Variants in ZNF578 observed in about 807,000 individuals in gnomAD.
The protein encoded by ZNF578 is zinc finger protein 578.
ZNF578 carries 8 observed loss-of-function variants against 8.3 expected under a neutral mutation model. That is an observed-to-expected ratio of 0.96 (90% CI 0.56 to 1.74). The LOEUF (loss-of-function observed/expected upper bound fraction) is 1.74, where lower values mean the gene tolerates loss of function less well. Among genes scored for constraint, ZNF578 ranks in the 40% most tolerant of loss-of-function variants. The probability of loss-of-function intolerance (pLI) is 0.00; values close to 1 mark genes in which losing one functional copy is unlikely to be tolerated. For missense variants in ZNF578, 726 were observed against 707.5 expected, an observed-to-expected ratio of 1.03 and a Z score of -0.30; for synonymous variants, 206 against 232.2, an observed-to-expected ratio of 0.89 and a Z score of 1.03.
chr19:52,456,017 T>C (rs1345292358), intron 1 of ZNF578: 2 of 152,256 alleles, frequency 1.3e-5, no homozygotes, highest in East Asian at 3.9e-4. Flanking sequence ...GGAGCTGAGG[T>C]TGCTCCTGTC....
chr19:52,516,312 C>T lies in ZNF578; in HGVS notation c.*4158C>T, dbSNP rs963009205. The stretch of plus-strand genomic sequence containing the variant: ...AACCAGCCTCTGCATGGGGTTTCCT[C>T]AACTTTAGGTCTGTGCCCTGAAGGG... On this transcript the variant is annotated 3_prime_UTR_variant, in exon 6 of 6. Transcript: ENST00000421239. Among the ~76,000 whole-genome samples, 6 of 152,200 alleles carry T rather than the reference C, an allele frequency of 3.9e-5. No homozygotes were observed. Among genetic ancestry groups the T allele is most frequent in the African/African-American group, 1.4e-4 (6 of 41,460 alleles).
intron 2 of ZNF578, among the ~76,000 whole-genome samples, chr19:52,487,031 T>C (rs982027072): frequency 1.5e-4 from 22 of 149,638 alleles, no homozygotes; most frequent in Admixed American, 5.3e-4. Context: ...GGGAGGGAAG[T>C]GCAGTAATGA....
At chr19:52,492,175 A>G (rs1167032401) in intron 3 of ZNF578, among the ~76,000 whole-genome samples, 256 of 146,852 alleles carry the variant, frequency 1.7e-3, no homozygotes, top group African/African-American at 5.9e-3. Flanking sequence ...AAAAAAAAAA[A>G]AAAAAAAAAA....
Position 52,515,595 on chromosome 19 carries a change from G to A in ZNF578, c.*3441G>A, listed in dbSNP as rs914285277. Among the ~76,000 whole-genome samples, 4 of 152,072 alleles carry A rather than the reference G, an allele frequency of 2.6e-5. No homozygotes were observed. Among genetic ancestry groups the A allele is most frequent in the African/African-American group, 9.7e-5 (4 of 41,408 alleles). On this transcript the variant is annotated 3_prime_UTR_variant, in exon 6 of 6. Coordinates refer to ENST00000421239, the MANE Select transcript of ZNF578 (RefSeq NM_001099694.2). ...TCTCAGACCTTCTCAGGGTAACTTG[G>A]TGAAAATGTCTTCCGATCTGAGCCC...
At chr19:52,495,940 G>A (rs1355825952) in intron 3 of ZNF578, among the ~76,000 whole-genome samples, 1 of 152,140 alleles carries the variant, frequency 6.6e-6, no homozygotes, top group Non-Finnish European at 1.5e-5. Flanking sequence ...GTGATGAAAG[G>A]AGTATTAAAG....
intron 2 of ZNF578, among the ~76,000 whole-genome samples, chr19:52,466,922 A>G (rs2059276997): frequency 6.6e-6 from 1 of 152,188 alleles, no homozygotes; most frequent in African/African-American, 2.4e-5. Context: ...ATGTGTGCAT[A>G]TATAATCAAT....
intron 2 of ZNF578, among the ~76,000 whole-genome samples, chr19:52,471,059 G>A (rs2059290298): frequency 6.6e-6 from 1 of 152,160 alleles, no homozygotes; most frequent in Non-Finnish European, 1.5e-5. Flanking sequence ...CTGGCCATGT[G>A]AAGTGCCTGC....
At chr19:52,456,311 C>CT (rs1679332890) in intron 1 of ZNF578, 1 of 152,232 alleles carries the variant, frequency 6.6e-6, no homozygotes. Flanking sequence ...CTTGCTCCCT[C>CT]TGAGTTTAGC....
chr19:52,466,673 A>C (rs1357799666), intron 2 of ZNF578, among the ~76,000 whole-genome samples: 1 of 152,240 alleles, frequency 6.6e-6, no homozygotes, highest in Admixed American at 6.5e-5. Flanking sequence ...ACTTGTGGAC[A>C]ACTGTTATAT....
At chr19:52,499,773 T>A (rs1436180197) in intron 3 of ZNF578, among the ~76,000 whole-genome samples, 1 of 150,160 alleles carries the variant, frequency 6.7e-6, no homozygotes, top group Non-Finnish European at 1.5e-5. Context: ...GCAACCTCTG[T>A]CTCCTGGGAT....
intron 4 of ZNF578, among the ~76,000 whole-genome samples, chr19:52,503,719 C>G (rs903847049): frequency 6.6e-6 from 1 of 151,670 alleles, no homozygotes; most frequent in African/African-American, 2.4e-5. Flanking sequence ...CCACTTGTAT[C>G]TTAGCTCATC....
intron 3 of ZNF578, among the ~76,000 whole-genome samples, chr19:52,494,077 G>A (rs1404700870): frequency 6.6e-6 from 1 of 151,906 alleles, no homozygotes; most frequent in Non-Finnish European, 1.5e-5. Flanking sequence ...ATAAATAGCA[G>A]GAGAGGAGAG....
At chr19:52,463,686 A>G (rs1351326460) in intron 2 of ZNF578, among the ~76,000 whole-genome samples, 1 of 152,244 alleles carries the variant, frequency 6.6e-6, no homozygotes, top group Non-Finnish European at 1.5e-5. Flanking sequence ...CTTACACAAC[A>G]TAAGCTGAAT....
chr19:52,455,325 G>C (rs1470450448), intron 1 of ZNF578: 2 of 150,946 alleles, frequency 1.3e-5, no homozygotes, highest in African/African-American at 4.9e-5. Context: ...TCAACCTCCC[G>C]AGTAGCTGGG....
intron 2 of ZNF578, among the ~76,000 whole-genome samples, chr19:52,484,256 T>A (rs1275752051): frequency 3.3e-5 from 5 of 152,174 alleles, no homozygotes; most frequent in Non-Finnish European, 7.3e-5. Flanking sequence ...TTCCCCTATC[T>A]CAGTAGATGG....
chr19:52,455,891 G>A (rs1320648084), intron 1 of ZNF578: 1 of 152,182 alleles, frequency 6.6e-6, no homozygotes, highest in Non-Finnish European at 1.5e-5. Flanking sequence ...GGAGAAAAAT[G>A]TTTAAAGGCC....
intron 2 of ZNF578, among the ~76,000 whole-genome samples, chr19:52,468,952 C>T (rs557981025): frequency 1.5e-4 from 23 of 152,238 alleles, no homozygotes; most frequent in African/African-American, 5.3e-4. Context: ...TCATTGGCTT[C>T]CTTGGTTTTG....
chr19:52,498,522 G>T (rs1334420565), intron 3 of ZNF578, among the ~76,000 whole-genome samples: 4 of 151,702 alleles, frequency 2.6e-5, no homozygotes, highest in Non-Finnish European at 5.9e-5. Flanking sequence ...TAGTAGAGAC[G>T]GGCATTCACC....
At chr19:52,458,216 A>G (rs1036115336) in intron 2 of ZNF578, 2 of 152,532 alleles carry the variant, frequency 1.3e-5, no homozygotes, top group African/African-American at 4.8e-5. Flanking sequence ...TAACAGCAAG[A>G]GATTCTTTAA....
Sources: gnomAD v4.1 joint callset for allele counts (sites outside exome capture counted in the v4.1 genomes callset) on GRCh38, gnomAD v4.1.1 for gene constraint, MANE v1.5 for transcripts, NCBI Gene and HGNC (gene_info 2026-07-23, HGNC 2026-07-21) for gene names.